The following DMD variants were observed in gnomAD, a reference collection of about 807,000 sequenced individuals.
The protein encoded by DMD is mutant dystrophin.
DMD carries 63 observed loss-of-function variants against 330.1 expected under a neutral mutation model. The observed-to-expected ratio is 0.19, with a 90% CI of 0.16 to 0.24. The LOEUF (loss-of-function observed/expected upper bound fraction) is 0.24. Ranked by LOEUF, DMD falls within the 10% of genes least tolerant of loss-of-function variation. The pLI is 1.00. For synonymous variants in DMD, 1,223 were observed against 959.8 expected, an observed-to-expected ratio of 1.27 and a Z score of -5.07; for missense variants, 3,344 against 2,684.1, an observed-to-expected ratio of 1.25 and a Z score of -5.43.
intron 62 of DMD, among the ~76,000 whole-genome samples, chrX:31,303,266 G>A (rs72625570): frequency 0.11 from 12,391 of 111,137 alleles, 1,084 homozygotes; most frequent in African/African-American, 0.27. Context: ...CTATATACAA[G>A]TAATATGTAA....
intron 1 of DMD, among the ~76,000 whole-genome samples, chrX:33,228,820 T>C (rs137939651): frequency 0.045 from 4,961 of 109,356 alleles, 268 homozygotes; most frequent in African/African-American, 0.16. Flanking sequence ...TCCAGACTGA[T>C]ATTCTTTTCA....
chrX:31,851,065 G>A (rs1013088189), intron 48 of DMD, among the ~76,000 whole-genome samples: 1 of 112,070 alleles, frequency 8.9e-6, no homozygotes, highest in Non-Finnish European at 1.9e-5. Context: ...GCTGATGGAT[G>A]GAAAAACACA....
chrX:32,372,741 G>A (rs2097884428), intron 34 of DMD, among the ~76,000 whole-genome samples: 1 of 111,128 alleles, frequency 9.0e-6, no homozygotes, highest in South Asian at 3.7e-4. Flanking sequence ...TGTCGCTGTA[G>A]GAAGTTGCAA....
chrX:31,734,214 TTA>T (rs201586876), intron 51 of DMD, among the ~76,000 whole-genome samples: 1 of 108,127 alleles, frequency 9.2e-6, no homozygotes, highest in African/African-American at 3.5e-5. Flanking sequence ...ATGTAATGTT[TTA>T]TATATATATA....
rs923274784 is a variant in DMD at position 32,732,072 on chromosome X, C to A, written c.650-32779G>T. 3.9e-4 allele frequency among the ~76,000 whole-genome samples: 43 copies of A among 111,333 alleles called. 1 individual carries two copies. The highest frequency in any genetic ancestry group is 7.5e-4 in the Non-Finnish European group (40 of 53,057). ...CATTACAGAGAAGTGCTTAAAGGAG[C>A]TGATGGAGCTGAAAACCAAGGCTAG... On this transcript the variant is annotated intron_variant, in intron 7 of 78. Coordinates refer to ENST00000357033, the MANE Select transcript of DMD (RefSeq NM_004006.3).
chrX:31,875,197 A>C lies in DMD; in HGVS notation c.7089T>G (p.Phe2363Leu), dbSNP rs770999942. Reference protein sequence around the residue: ...IYNQPNQEGPFDVKETEIAVQ... With the variant: ...IYNQPNQEGPLDVKETEIAVQ... ...GCAAAAAGTTCCCTACCTTAACGTC[A>C]AATGGTCCTTCTTGGTTTGGTTGGT... is the stretch of plus-strand genomic sequence containing the variant. Residue 2363 changes from phenylalanine (F) to leucine (L), a missense_variant, in exon 48 of 79, where the codon TTT (phenylalanine) becomes TTG (leucine). Phe to Leu is a conservative substitution (Grantham distance 22). Transcript: ENST00000357033. The C allele has an allele frequency of 1.7e-6, 2 of 1,204,807 alleles. No individual in the cohort carries two copies. The highest frequency in any genetic ancestry group is 4.4e-5 in the Admixed American group (2 of 45,037).
chrX:32,783,604 C>A (rs2075088288), intron 7 of DMD, among the ~76,000 whole-genome samples: 1 of 110,091 alleles, frequency 9.1e-6, no homozygotes, highest in African/African-American at 3.3e-5. Context: ...GCATGTGTAA[C>A]CCTGAACCTA....
rs2147254565 is a variant in DMD, at chrX:32,364,708, T to A, written c.5028A>T (p.Glu1676Asp). 8.3e-7 allele frequency: 1 copy of A among 1,208,818 alleles called. No homozygotes were observed. The highest frequency in any genetic ancestry group is 1.1e-6 in the Non-Finnish European group (1 of 893,016). Residue 1676 changes from glutamate to aspartate, a missense_variant and splice_region_variant, in exon 36 of 79, where the codon GAA becomes GAT. Coordinates refer to ENST00000357033, the MANE Select transcript of DMD (RefSeq NM_004006.3). The stretch of plus-strand genomic sequence containing the variant: ...CAAAAGTTTCCATGTGTTTCTGGTA[T>A]TCCTTAATTGTACAGAGACATACCA... ...RAEEWLNLLL[E>D]YQKHMETFDQ...
At chrX:32,905,381 T>C (rs2086648817) in intron 2 of DMD, among the ~76,000 whole-genome samples, 1 of 111,877 alleles carries the variant, frequency 8.9e-6, no homozygotes, top group Admixed American at 9.5e-5. Context: ...CCAGTTACCA[T>C]AAAAAGACAT....
At chrX:31,183,913 ATT>A (rs56788430) in intron 67 of DMD, among the ~76,000 whole-genome samples, 34 of 100,022 alleles carry the variant, frequency 3.4e-4, no homozygotes, top group South Asian at 9.2e-4. Flanking sequence ...ATTAAATACA[ATT>A]TTTTTTTTTT....
chrX:33,272,538 G>A (rs2053173959), intron 1 of DMD, among the ~76,000 whole-genome samples: 1 of 111,394 alleles, frequency 9.0e-6, no homozygotes, highest in African/African-American at 3.3e-5. Flanking sequence ...TCAAATTATT[G>A]GGAATATTCT....
chrX:33,232,763 G>A (rs1436654232), intron 1 of DMD, among the ~76,000 whole-genome samples: 2 of 110,941 alleles, frequency 1.8e-5, no homozygotes. Context: ...ATGGTGGCGG[G>A]CGCCTGCAGT....
At chrX:32,241,763 CTTTTT>C (rs1272829110) in intron 43 of DMD, among the ~76,000 whole-genome samples, 1 of 112,054 alleles carries the variant, frequency 8.9e-6, no homozygotes, top group East Asian at 2.8e-4. Context: ...TAAATATATC[CTTTTT>C]TATTTTCTAT....
chrX:31,521,227 C>T (rs1319270012), intron 55 of DMD, among the ~76,000 whole-genome samples: 1 of 105,273 alleles, frequency 9.5e-6, no homozygotes, highest in African/African-American at 3.5e-5. Flanking sequence ...GGTGTGATCT[C>T]GGCTCACTGC....
At chrX:32,781,199 G>C (rs920671161) in intron 7 of DMD, among the ~76,000 whole-genome samples, 1 of 109,831 alleles carries the variant, frequency 9.1e-6, no homozygotes, top group African/African-American at 3.3e-5. Context: ...CAGCACATGA[G>C]GAAGTCACCA....
chrX:32,777,277 T>TGGGGGG lies in DMD; in HGVS notation c.649+32210_649+32215dup, dbSNP rs546914107. ...CTAGTTTTTAAGTTTGGTTTCTGGT[T>TGGGGGG]GGGGGGGGAATCCTACCAAGCTAGG... On this transcript the variant is annotated intron_variant, in intron 7 of 78. Transcript: ENST00000357033. Among the ~76,000 whole-genome samples, 6 of 2,113 alleles carry TGGGGGG rather than the reference T, an allele frequency of 2.8e-3. 3 individuals carry two copies. The highest frequency in any genetic ancestry group is 0.037 in the East Asian group (2 of 54). The allele number at this position is 2,113 out of a possible 115,157, so 1.8% of individuals were successfully genotyped here. A position where few individuals can be genotyped will look rare whatever the true frequency, so the allele number is the denominator to read the frequency against.
chrX:31,550,401 A>G (rs2074405640), intron 55 of DMD, among the ~76,000 whole-genome samples: 1 of 112,131 alleles, frequency 8.9e-6, no homozygotes, highest in Admixed American at 9.4e-5. Context: ...CAATAAACAC[A>G]GAAGTCTGCT....
chrX:31,437,025 G>A (rs2064580805), intron 60 of DMD, among the ~76,000 whole-genome samples: 1 of 111,876 alleles, frequency 8.9e-6, no homozygotes, highest in Admixed American at 9.5e-5. Flanking sequence ...GCAACCTATA[G>A]TTTAGAATAT....
At position 31,193,529 on chromosome X, in the gene DMD, C is replaced by T. The variant is rs1235372847; in HGVS notation, c.9807+10432G>A. ...TAGAAAGCCACCATTATGCAACCAC[C>T]AATATTATAACTGAATTAGACAAGG... On this transcript the variant is annotated intron_variant, in intron 67 of 78. Coordinates refer to ENST00000357033, the MANE Select transcript of DMD (RefSeq NM_004006.3). 9.0e-5 allele frequency among the ~76,000 whole-genome samples: 10 copies of T among 111,601 alleles called. No individual in the cohort carries two copies. The East Asian group carries it at 1.1e-3, about 12-fold the overall frequency.
Sources: gnomAD v4.1 joint callset for allele counts (sites outside exome capture counted in the v4.1 genomes callset) on GRCh38, gnomAD v4.1.1 for gene constraint, MANE v1.5 for transcripts, NCBI Gene and HGNC (gene_info 2026-07-23, HGNC 2026-07-21) for gene names.